ZCCHC17: variants seen among roughly 807,000 people sequenced by gnomAD.
ZCCHC17 encodes the protein zinc finger CCHC-type containing 17.
In ZCCHC17, 18 loss-of-function variants were observed where a neutral mutation model predicts 30.6. The ratio of observed to expected loss-of-function variants is 0.59; its 90% CI spans 0.41 to 0.87. The LOEUF is 0.87. Among genes scored for constraint, ZCCHC17 ranks in the 40% least tolerant of loss-of-function variants. The pLI, the probability that ZCCHC17 is intolerant of heterozygous loss-of-function variation, is 0.00. For synonymous variants in ZCCHC17, 88 were observed against 92.4 expected (o/e 0.95, Z 0.27); for missense variants, 263 against 284.2 (o/e 0.93, Z 0.54).
chr1:31,362,935 A>G (rs1479824214), intron 7 of ZCCHC17, among the ~76,000 whole-genome samples: 1 of 152,234 alleles, frequency 6.6e-6, no homozygotes, highest in Non-Finnish European at 1.5e-5. Flanking sequence ...TTCATTCCCA[A>G]TGTGTAACAC....
chr1:31,307,245 G>A (rs768269234), intron 1 of ZCCHC17, among the ~76,000 whole-genome samples: 3 of 151,620 alleles, frequency 2.0e-5, no homozygotes, highest in Non-Finnish European at 2.9e-5. Context: ...GATTACAGTC[G>A]TGAGCCACTG....
intron 5 of ZCCHC17, among the ~76,000 whole-genome samples, chr1:31,340,285 C>T (rs1409981180): frequency 2.7e-5 from 4 of 146,734 alleles, no homozygotes; most frequent in Admixed American, 6.8e-5. Context: ...TCTTGGATCC[C>T]TAAAGTCTCT....
chr1:31,299,149 AT>A (rs1453138825), intron 1 of ZCCHC17, among the ~76,000 whole-genome samples: 2 of 152,174 alleles, frequency 1.3e-5, no homozygotes, highest in African/African-American at 4.8e-5. Flanking sequence ...CCTACACAGT[AT>A]TTTTCATAGA....
At chr1:31,311,891 C>T (rs1646613732) in intron 2 of ZCCHC17, among the ~76,000 whole-genome samples, 1 of 152,214 alleles carries the variant, frequency 6.6e-6, no homozygotes, top group East Asian at 1.9e-4. Context: ...GTCATGAAGG[C>T]TCTGCCCTTG....
At chr1:31,310,954 C>T (rs1646586236) in intron 2 of ZCCHC17, among the ~76,000 whole-genome samples, 1 of 152,134 alleles carries the variant, frequency 6.6e-6, no homozygotes, top group African/African-American at 2.4e-5. Flanking sequence ...CTTCTTTATC[C>T]CCTTGGCACC....
chr1:31,328,802 G>C (rs1289507396), intron 3 of ZCCHC17, among the ~76,000 whole-genome samples: 1 of 152,090 alleles, frequency 6.6e-6, no homozygotes, highest in Non-Finnish European at 1.5e-5. Flanking sequence ...AGTTTTTATA[G>C]AGCTCAGTCT....
chr1:31,297,054 G>C lies in ZCCHC17; in HGVS notation c.-77G>C. ...GGCGTTTAGTTCAGCGCAGCGACTCGGGGACCTGGAGCTGACGCCTAGTAC... is the reference window on the plus strand; with the variant it reads ...GGCGTTTAGTTCAGCGCAGCGACTCCGGGACCTGGAGCTGACGCCTAGTAC... On this transcript the variant is annotated 5_prime_UTR_variant, in exon 1 of 8. Coordinates refer to ENST00000344147, the MANE Select transcript of ZCCHC17 (RefSeq NM_016505.4). 1 of 444,268 alleles carries C rather than the reference G, an allele frequency of 2.3e-6. No individual in the cohort carries two copies. The highest frequency in any genetic ancestry group is 4.0e-6 in the Non-Finnish European group (1 of 250,768). The allele number at this position is 444,268 out of a possible 1,614,324, so 27.5% of individuals were successfully genotyped here.
intron 3 of ZCCHC17, among the ~76,000 whole-genome samples, chr1:31,330,029 T>C (rs1638522155): frequency 6.6e-6 from 1 of 152,212 alleles, no homozygotes; most frequent in East Asian, 1.9e-4. Context: ...TCATATACCA[T>C]TGATTGGGAG....
chr1:31,343,107 GCT>G (rs1639106906), intron 5 of ZCCHC17, among the ~76,000 whole-genome samples: 1 of 152,146 alleles, frequency 6.6e-6, no homozygotes, highest in South Asian at 2.1e-4. Context: ...ATGGACTCTT[GCT>G]CTGTTACCCA....
At chr1:31,355,858 C>T (rs969073657) in intron 7 of ZCCHC17, among the ~76,000 whole-genome samples, 1 of 152,146 alleles carries the variant, frequency 6.6e-6, no homozygotes, top group Admixed American at 6.5e-5. Flanking sequence ...CCCTCTAAAT[C>T]TTGGATTCCA....
chr1:31,342,627 GCTGCTGAT>G (rs1160975403), intron 5 of ZCCHC17, among the ~76,000 whole-genome samples: 2 of 152,172 alleles, frequency 1.3e-5, no homozygotes, highest in African/African-American at 4.8e-5. Context: ...ATCTAATGCT[GCTGCTGAT>G]CTGATAGGAG....
chr1:31,318,096 A>G (rs1310413472), intron 2 of ZCCHC17: 40 of 1,157,934 alleles, frequency 3.5e-5, no homozygotes, highest in Non-Finnish European at 4.6e-5. Context: ...TTTTGCATAT[A>G]GTGAGTATTC....
intron 7 of ZCCHC17, among the ~76,000 whole-genome samples, chr1:31,357,481 C>T (rs562403479): frequency 7.4e-4 from 112 of 152,324 alleles, no homozygotes; most frequent in African/African-American, 2.6e-3. Context: ...AATAGAGCTT[C>T]TACTGTGTGC....
At chr1:31,346,882 C>G (rs574666557) in intron 6 of ZCCHC17, 142 bp downstream of exon 6, 1 of 1,498,510 alleles carries the variant, frequency 6.7e-7, no homozygotes, top group East Asian at 2.5e-5. Context: ...CCACCAGACT[C>G]ACATCAGAGT....
In ZCCHC17 at chr1:31,347,987, C is replaced by T. The variant is rs117553692; in HGVS notation, c.419-842C>T. On this transcript the variant is annotated intron_variant, in intron 6 of 7. Transcript: ENST00000344147. Reference sequence around the variant, plus strand: ...CTACCACAAACTCAGACACAACTAGCAGTGTAGAGCATAGCATCTGTTAAA... The same window carrying T: ...CTACCACAAACTCAGACACAACTAGTAGTGTAGAGCATAGCATCTGTTAAA... Among the ~76,000 whole-genome samples, 15 of 145,710 alleles carry T rather than the reference C, an allele frequency of 1.0e-4. No individual in the cohort carries two copies. The East Asian group carries it at 2.9e-3, about 28-fold the overall frequency.
At chr1:31,328,228 T>G (rs555113767) in intron 3 of ZCCHC17, among the ~76,000 whole-genome samples, 3 of 152,318 alleles carry the variant, frequency 2.0e-5, no homozygotes, top group African/African-American at 4.8e-5. Flanking sequence ...AAATTAAGCT[T>G]CACAGCCAGG....
chr1:31,330,880 GGT>G (rs1253095066), intron 3 of ZCCHC17, among the ~76,000 whole-genome samples: 12 of 152,164 alleles, frequency 7.9e-5, no homozygotes, highest in Non-Finnish European at 1.6e-4. Context: ...GACTTTTGGT[GGT>G]GTGTCCATGT....
chr1:31,314,442 GAAA>G (rs77025494), intron 2 of ZCCHC17, among the ~76,000 whole-genome samples: 1 of 107,972 alleles, frequency 9.3e-6, no homozygotes. Context: ...CATTAAAATT[GAAA>G]AAAAAAAAAA....
intron 3 of ZCCHC17, among the ~76,000 whole-genome samples, chr1:31,331,934 T>G (rs1042692799): frequency 1.3e-5 from 2 of 152,114 alleles, no homozygotes; most frequent in African/African-American, 4.8e-5. Flanking sequence ...TATGAGGAAG[T>G]GATAGTACAC....
Sources: gnomAD v4.1 joint callset for allele counts (sites outside exome capture counted in the v4.1 genomes callset) on GRCh38, gnomAD v4.1.1 for gene constraint, MANE v1.5 for transcripts, NCBI Gene and HGNC (gene_info 2026-07-23, HGNC 2026-07-21) for gene names.